The following MIER1 variants were observed in gnomAD, a reference collection of about 807,000 sequenced individuals.
MIER1 encodes the protein MIER1 transcriptional regulator.
In MIER1, 40 loss-of-function variants were observed where a neutral mutation model predicts 75.7. The ratio of observed to expected loss-of-function variants is 0.53; its 90% CI spans 0.41 to 0.69. MIER1 has a LOEUF of 0.69. Among genes scored for constraint, MIER1 ranks in the 30% least tolerant of loss-of-function variants. The pLI is 0.00. For missense variants in MIER1, 574 were observed against 680.2 expected (o/e 0.84, Z 1.74); for synonymous variants, 213 against 223.4 (o/e 0.95, Z 0.42).
intron 4 of MIER1, chr1:66,946,567 G>T: frequency 9.1e-7 from 1 of 1,097,852 alleles, no homozygotes; most frequent in South Asian, 3.7e-5. Context: ...GTCAAAAATG[G>T]ACTATAAAAG....
chr1:66,985,926 T>C lies in MIER1; in HGVS notation c.*1026T>C. On this transcript the variant is annotated 3_prime_UTR_variant, in exon 14 of 14. Transcript: ENST00000401041. Reference sequence around the variant, plus strand: ...GTTTGTTTTGCATTTGCTATAATTTTCAAAATTATTTTTGAAGCAAGACAA... The same window carrying C: ...GTTTGTTTTGCATTTGCTATAATTTCCAAAATTATTTTTGAAGCAAGACAA... The C allele has an allele frequency of 1.0e-6, 1 of 983,852 alleles. No individual in the cohort carries two copies. Among genetic ancestry groups the C allele is most frequent in the South Asian group, 4.7e-5 (1 of 21,244 alleles). 60.9% of individuals were successfully genotyped at this position (983,852 alleles called of 1,614,324 possible).
Position 66,970,791 on chromosome 1 carries a change from G to T in MIER1, c.773-17G>T, listed in dbSNP as rs1290953703. ...AGTTTTTAGAAATTTGTTTAACATT[G>T]TCTTTTACTAATTTAGTATATGAAA... On this transcript the variant is annotated splice_polypyrimidine_tract_variant and intron_variant, in intron 8 of 13. Transcript: ENST00000401041. 2 of 1,521,576 alleles carry T rather than the reference G, an allele frequency of 1.3e-6. No homozygotes were observed. The highest frequency in any genetic ancestry group is 1.8e-6 in the Non-Finnish European group (2 of 1,139,238). 94.3% of individuals were successfully genotyped at this position (1,521,576 alleles called of 1,614,324 possible). A position where few individuals can be genotyped will look rare whatever the true frequency, so the allele number is the denominator to read the frequency against.
rs1310985385 is a variant in MIER1 at position 66,945,306 on chromosome 1, TATATATATATAA to T, written c.194-842_194-831del. 1.3e-3 allele frequency among the ~76,000 whole-genome samples: 87 copies of T among 66,076 alleles called. 1 individual carries two copies. The highest frequency in any genetic ancestry group is 3.2e-3 in the South Asian group (6 of 1,874). 43.3% of individuals were successfully genotyped at this position (66,076 alleles called of 152,430 possible). The stretch of plus-strand genomic sequence containing the variant: ...ATATATATATATATATATATATATA[TATATATATATAA>T]AATACCTAATATAGGTAAATGCTAT... On this transcript the variant is annotated intron_variant, in intron 3 of 13. Coordinates refer to ENST00000401041, the MANE Select transcript of MIER1 (RefSeq NM_001077700.3).
chr1:66,958,925 T>G lies in MIER1; in HGVS notation c.576T>G (p.Val192=). 1 of 1,613,036 alleles carries G rather than the reference T, an allele frequency of 6.2e-7. No individual in the cohort carries two copies. The highest frequency in any genetic ancestry group is 8.5e-7 in the Non-Finnish European group (1 of 1,179,222). Residue 192 remains valine (V), a synonymous_variant, in exon 6 of 14, where the codon GTT becomes GTG. Transcript: ENST00000401041. ...CCAATGATGATCCATCACAATCTGT[T>G]GCTTCTCAAGATGCCCAGGAAATAA... is the stretch of plus-strand genomic sequence containing the variant. ...QSSNDDPSQS[V]ASQDAQEIIR...
intron 4 of MIER1, among the ~76,000 whole-genome samples, chr1:66,951,341 C>T (rs1658894156): frequency 6.6e-6 from 1 of 152,084 alleles, no homozygotes; most frequent in Admixed American, 6.5e-5. Flanking sequence ...GTTGCCCAGG[C>T]TGGTCTTGAA....
chr1:66,929,201 T>C (rs1652515251), intron 2 of MIER1: 1 of 517,442 alleles, frequency 1.9e-6, no homozygotes, highest in Non-Finnish European at 3.5e-6. Context: ...TTATGCAATG[T>C]AGTATTGGTT....
intron 4 of MIER1, among the ~76,000 whole-genome samples, chr1:66,954,516 C>T (rs113378987): frequency 2.0e-5 from 3 of 152,060 alleles, no homozygotes; most frequent in African/African-American, 7.2e-5. Flanking sequence ...GTTTCTGTAC[C>T]ATACATTTGT....
intron 11 of MIER1, among the ~76,000 whole-genome samples, chr1:66,976,144 C>T (rs534680394): frequency 1.9e-4 from 29 of 152,138 alleles, no homozygotes; most frequent in South Asian, 1.9e-3. Flanking sequence ...GCTGGGATTA[C>T]AGGCACCTGC....
chr1:66,970,889 C>T lies in MIER1; in HGVS notation c.854C>T (p.Ser285Phe), dbSNP rs768963598. ...GTGATTATATTTCTTAAAGATGCATCTAGAAGAACAGGTGATGAGAAGGGT... is the reference window on the plus strand; with the variant it reads ...GTGATTATATTTCTTAAAGATGCATTTAGAAGAACAGGTGATGAGAAGGGT... ...DKVIIFLKDA[S>F]RRTGDEKGVE... The change falls in exon 9 of 14, where the codon TCT becomes TTT. Residue 285 changes from serine (S) to phenylalanine (F), a missense_variant. By Grantham distance (155) the Ser-to-Phe change is radical (BLOSUM62 -2). Around this residue, in one of 3 missense-constraint regions of MIER1, gnomAD observed 309 missense variants for 352.8 expected, o/e 0.88. Transcript: ENST00000401041. The T allele has an allele frequency of 1.9e-6, 3 of 1,600,920 alleles. No homozygotes were observed. Among genetic ancestry groups the T allele is most frequent in the Non-Finnish European group, 2.6e-6 (3 of 1,175,620 alleles).
chr1:66,927,768 T>C (rs1652178310), intron 2 of MIER1, among the ~76,000 whole-genome samples: 1 of 151,880 alleles, frequency 6.6e-6, no homozygotes, highest in Non-Finnish European at 1.5e-5. Context: ...ACTGGAGGGG[T>C]TTAAACATAG....
At chr1:66,971,415 T>C (rs1663586585) in intron 9 of MIER1, among the ~76,000 whole-genome samples, 1 of 152,080 alleles carries the variant, frequency 6.6e-6, no homozygotes, top group African/African-American at 2.4e-5. Context: ...TTTTTAGTCC[T>C]AGGGATACTA....
Position 66,986,364 on chromosome 1 carries a change from T to C in MIER1, c.*1464T>C, listed in dbSNP as rs768988957. On this transcript the variant is annotated 3_prime_UTR_variant, in exon 14 of 14. Transcript: ENST00000401041. Reference sequence around the variant, plus strand: ...CTGATAGACCAACCTATATCCAAACTTTTATAAAATATTAATTATTCTTGT... The same window carrying C: ...CTGATAGACCAACCTATATCCAAACCTTTATAAAATATTAATTATTCTTGT... 6.3e-7 allele frequency: 1 copy of C among 1,597,548 alleles called. No homozygotes were observed. The highest frequency in any genetic ancestry group is 1.4e-5 in the African/African-American group (1 of 73,982).
chr1:66,925,162 T>C lies in MIER1; in HGVS notation c.67+67T>C, dbSNP rs1295075763. On this transcript the variant is annotated intron_variant, in intron 1 of 13. Coordinates refer to ENST00000401041, the MANE Select transcript of MIER1 (RefSeq NM_001077700.3). ...AGTTTGGGATGAGGGGCTCCTGAGG[T>C]GTCCTCAGTCCCCTTTCTCTCCTTC... 8.5e-6 allele frequency: 13 copies of C among 1,523,966 alleles called. No individual in the cohort carries two copies. In the East Asian group the frequency reaches 2.7e-4, roughly 32 times the overall value. 94.4% of individuals were successfully genotyped at this position (1,523,966 alleles called of 1,614,324 possible). A position where few individuals can be genotyped will look rare whatever the true frequency, so the allele number is the denominator to read the frequency against.
At chr1:66,930,915 A>G (rs1160974423) in intron 2 of MIER1, among the ~76,000 whole-genome samples, 1 of 152,118 alleles carries the variant, frequency 6.6e-6, no homozygotes, top group African/African-American at 2.4e-5. Context: ...GAGAGTGGAT[A>G]AATTAATCTG....
In MIER1 at chr1:66,963,164, G is replaced by A. The variant is rs1661595253; in HGVS notation, c.772+4G>A. The A allele has an allele frequency of 1.3e-6, 2 of 1,591,574 alleles. No homozygotes were observed. Among genetic ancestry groups the A allele is most frequent in the Non-Finnish European group, 1.7e-6 (2 of 1,160,060 alleles). The stretch of plus-strand genomic sequence containing the variant: ...AGATACAAAGAAAATGAAAAAGGTG[G>A]GTTATTAGTAAAGTTACGTAGCTGA... On this transcript the variant is annotated splice_donor_region_variant and intron_variant, in intron 8 of 13. Transcript: ENST00000401041.
chr1:66,986,571 T>A lies in MIER1; in HGVS notation c.*1671T>A. 1 of 943,638 alleles carries A rather than the reference T, an allele frequency of 1.1e-6. No individual in the cohort carries two copies. The highest frequency in any genetic ancestry group is 1.7e-6 in the Non-Finnish European group (1 of 586,842). The allele number at this position is 943,638 out of a possible 1,614,324, so 58.5% of individuals were successfully genotyped here. A position where few individuals can be genotyped will look rare whatever the true frequency, so the allele number is the denominator to read the frequency against. ...GCATTCAGGCCTTACCCCCATGAAG[T>A]ATTACTGTTAACATATGTTCGGACT... On this transcript the variant is annotated 3_prime_UTR_variant, in exon 14 of 14. Transcript: ENST00000401041.
intron 12 of MIER1, among the ~76,000 whole-genome samples, chr1:66,980,589 CCTT>C (rs1467073232): frequency 2.0e-4 from 31 of 152,154 alleles, no homozygotes; most frequent in Admixed American, 1.7e-3. Flanking sequence ...TCCACTGTTT[CCTT>C]CTTATTTACC....
chr1:66,934,370 T>G (rs950580877), intron 2 of MIER1, among the ~76,000 whole-genome samples: 2 of 151,828 alleles, frequency 1.3e-5, no homozygotes, highest in Non-Finnish European at 2.9e-5. Context: ...TCTGTATTCC[T>G]AGATTCCTAG....
Position 66,985,176 on chromosome 1 carries a change from G to C in MIER1, c.*276G>C. The C allele has an allele frequency of 1.0e-6, 1 of 988,360 alleles. No individual in the cohort carries two copies. Among genetic ancestry groups the C allele is most frequent in the Non-Finnish European group, 1.2e-6 (1 of 819,090 alleles). The allele number at this position is 988,360 out of a possible 1,614,324, so 61.2% of individuals were successfully genotyped here. A position where few individuals can be genotyped will look rare whatever the true frequency, so the allele number is the denominator to read the frequency against. The stretch of plus-strand genomic sequence containing the variant: ...CATTTGAATATCTTTAGTTCATTCA[G>C]ATTTACTAATTTTGGTAAATCTGAA... On this transcript the variant is annotated 3_prime_UTR_variant, in exon 14 of 14. Transcript: ENST00000401041.
Sources: allele counts gnomAD v4.1 joint callset (sites outside exome capture counted in the v4.1 genomes callset), GRCh38; gene constraint gnomAD v4.1.1; regional missense constraint gnomAD v4.1.1; transcripts MANE v1.5; gene names NCBI Gene and HGNC (gene_info 2026-07-23, HGNC 2026-07-21).